Variants in AP1S3 observed in about 807,000 individuals in gnomAD.
AP1S3 encodes adaptor related protein complex 1 subunit sigma 3, also known as AP-1 complex subunit sigma-3.
A neutral mutation model predicts 20.9 loss-of-function variants in AP1S3; 10 were observed. The ratio of observed to expected loss-of-function variants is 0.48; its 90% CI spans 0.29 to 0.81. The LOEUF (loss-of-function observed/expected upper bound fraction) is 0.81, where lower values mean the gene tolerates loss of function less well. Ranked by LOEUF, AP1S3 falls within the 30% of genes least tolerant of loss-of-function variation. The pLI is 0.08. For synonymous variants in AP1S3, 41 were observed against 61.5 expected, an observed-to-expected ratio of 0.67 and a Z score of 1.56; for missense variants, 154 against 183.8, an observed-to-expected ratio of 0.84 and a Z score of 0.94.
At chr2:223,780,333 A>C (rs1690904625) in intron 1 of AP1S3, among the ~76,000 whole-genome samples, 1 of 124,192 alleles carries the variant, frequency 8.1e-6, no homozygotes, top group African/African-American at 3.3e-5. Context: ...AGAGAGAGAG[A>C]GAGAGAGAGA....
At chr2:223,821,399 C>A (rs1691983739) in intron 1 of AP1S3, among the ~76,000 whole-genome samples, 1 of 152,238 alleles carries the variant, frequency 6.6e-6, no homozygotes, top group African/African-American at 2.4e-5. Context: ...TCATGATCCA[C>A]CTGCCTCGGC....
At chr2:223,770,530 A>C (rs975730420) in intron 3 of AP1S3, among the ~76,000 whole-genome samples, 12 of 149,050 alleles carry the variant, frequency 8.1e-5, no homozygotes, top group Admixed American at 7.3e-4. Context: ...ACACACACAC[A>C]CCCCTTGATA....
chr2:223,772,619 T>C (rs1690660012), intron 3 of AP1S3, among the ~76,000 whole-genome samples: 1 of 152,082 alleles, frequency 6.6e-6, no homozygotes, highest in Non-Finnish European at 1.5e-5. Context: ...ATTAACTAGT[T>C]AATCCTCGTA....
At chr2:223,770,084 T>C (rs1262974942) in intron 3 of AP1S3, 2 of 1,440,424 alleles carry the variant, frequency 1.4e-6, no homozygotes, top group East Asian at 2.5e-5. Flanking sequence ...TAGAGGGACA[T>C]GTAAAAATAT....
At chr2:223,837,385 G>C (rs1176588508) in intron 1 of AP1S3, 63 bp downstream of exon 1, 1 of 1,049,804 alleles carries the variant, frequency 9.5e-7, no homozygotes, top group Admixed American at 4.4e-5. Flanking sequence ...GACGCCCCAG[G>C]TGCCTCCCCG....
intron 1 of AP1S3, among the ~76,000 whole-genome samples, chr2:223,795,008 A>G (rs1259095015): frequency 6.6e-6 from 1 of 152,102 alleles, no homozygotes; most frequent in Non-Finnish European, 1.5e-5. Context: ...CATAATCCCA[A>G]CACTTCCAAG....
At chr2:223,805,417 T>A (rs111684403) in intron 1 of AP1S3, among the ~76,000 whole-genome samples, 15 of 152,244 alleles carry the variant, frequency 9.9e-5, no homozygotes, top group Non-Finnish European at 1.9e-4. Context: ...CACTCCAGCC[T>A]GGTGACAGAA....
At chr2:223,773,464 A>T in intron 3 of AP1S3, 1 of 1,101,274 alleles carries the variant, frequency 9.1e-7, no homozygotes, top group Non-Finnish European at 1.2e-6. Context: ...ATTTCTCCTT[A>T]AAAAAATGAA....
intron 1 of AP1S3, among the ~76,000 whole-genome samples, chr2:223,821,658 A>G (rs558528964): frequency 3.3e-4 from 50 of 152,146 alleles, no homozygotes; most frequent in African/African-American, 1.1e-3. Flanking sequence ...CGTGCCCCCT[A>G]TGTGCATGGC....
At chr2:223,828,250 C>T (rs1211906823) in intron 1 of AP1S3, among the ~76,000 whole-genome samples, 1 of 151,106 alleles carries the variant, frequency 6.6e-6, no homozygotes, top group African/African-American at 2.4e-5. Flanking sequence ...AAAGCGCTCA[C>T]ACAGGGCCCT....
chr2:223,790,207 T>C (rs1381486975), intron 1 of AP1S3, among the ~76,000 whole-genome samples: 4 of 149,222 alleles, frequency 2.7e-5, no homozygotes, highest in Non-Finnish European at 5.9e-5. Flanking sequence ...AGACTAAAAA[T>C]ACAAAGAAAA....
chr2:223,767,574 C>T (rs1393281115), intron 3 of AP1S3, among the ~76,000 whole-genome samples: 1 of 151,778 alleles, frequency 6.6e-6, no homozygotes, highest in Non-Finnish European at 1.5e-5. Flanking sequence ...CCTGGACAAT[C>T]TTGCTGACTC....
At chr2:223,810,108 A>T (rs906568009) in intron 1 of AP1S3, among the ~76,000 whole-genome samples, 8 of 152,084 alleles carry the variant, frequency 5.3e-5, no homozygotes, top group African/African-American at 1.9e-4. Context: ...CCTCACAGTT[A>T]TGGGGAGAAG....
intron 2 of AP1S3, 189 bp from the exon 3 acceptor site, chr2:223,776,198 T>G (rs943606341): frequency 2.9e-6 from 2 of 686,924 alleles, no homozygotes; most frequent in Non-Finnish European, 5.5e-6. Context: ...TCTGTGGGGG[T>G]TGGATTACTT....
In AP1S3 at chr2:223,795,464, A is replaced by G. The variant is rs550142548; in HGVS notation, c.4-17595T>C. 4.6e-5 allele frequency among the ~76,000 whole-genome samples: 7 copies of G among 152,318 alleles called. No homozygotes were observed. In the South Asian group the frequency reaches 1.5e-3, roughly 32 times the overall value. On this transcript the variant is annotated intron_variant, in intron 1 of 4. Transcript: ENST00000396654. The stretch of plus-strand genomic sequence containing the variant: ...AGCGACCCTTTGAAACAAATGTTAC[A>G]TTCCACAAATTTAAATGTTAGCTTT...
intron 1 of AP1S3, among the ~76,000 whole-genome samples, chr2:223,802,153 G>A (rs1023158913): frequency 6.6e-6 from 1 of 152,112 alleles, no homozygotes; most frequent in South Asian, 2.1e-4. Context: ...CTTCCTTTGA[G>A]ATTTTAAGAT....
chr2:223,767,836 T>C (rs1036345880), intron 3 of AP1S3, among the ~76,000 whole-genome samples: 7 of 152,266 alleles, frequency 4.6e-5, no homozygotes, highest in Admixed American at 4.6e-4. Flanking sequence ...ACCAACATAC[T>C]TCCCCTTCCC....
At position 223,755,528 on chromosome 2, in the gene AP1S3, C is replaced by CT. The variant is rs1559270524; in HGVS notation, c.*3186_*3187insA. Among the ~76,000 whole-genome samples, 39 of 81,002 alleles carry CT rather than the reference C, an allele frequency of 4.8e-4. No individual in the cohort carries two copies. The highest frequency in any genetic ancestry group is 1.6e-3 in the African/African-American group (36 of 22,102). 53.1% of individuals were successfully genotyped at this position (81,002 alleles called of 152,430 possible). ...CCATATAGATATGTTTACTTACTTT[C>CT]ATTTTTTTTTTTTTTTTTTTGAGAC... is the stretch of plus-strand genomic sequence containing the variant. On this transcript the variant is annotated 3_prime_UTR_variant, in exon 5 of 5. Transcript: ENST00000396654.
At chr2:223,799,604 T>A (rs1450398764) in intron 1 of AP1S3, among the ~76,000 whole-genome samples, 1 of 152,194 alleles carries the variant, frequency 6.6e-6, no homozygotes, top group African/African-American at 2.4e-5. Flanking sequence ...ATCATCTACA[T>A]TCCAAAGATA....
Sources: gnomAD v4.1 joint callset for allele counts (sites outside exome capture counted in the v4.1 genomes callset) on GRCh38, gnomAD v4.1.1 for gene constraint, MANE v1.5 for transcripts, NCBI Gene and HGNC (gene_info 2026-07-23, HGNC 2026-07-21) for gene names.